Variants in ELAC2 observed in about 807,000 individuals in gnomAD.
ELAC2 encodes elaC ribonuclease Z 2, also known as zinc phosphodiesterase ELAC protein 2.
Under a neutral mutation model 105.2 loss-of-function variants are expected in ELAC2, and 92 were observed. That is an observed-to-expected ratio of 0.87 (90% confidence interval 0.74 to 1.04). The LOEUF (loss-of-function observed/expected upper bound fraction) is 1.04. Ranked by LOEUF, ELAC2 falls within the 50% of genes least tolerant of loss-of-function variation. The pLI, the probability that ELAC2 is intolerant of heterozygous loss-of-function variation, is 0.00. For synonymous variants in ELAC2, 468 were observed against 409.1 expected (o/e 1.14, Z -1.74); for missense variants, 1,099 against 1,071.7 (o/e 1.03, Z -0.36).
chr17:12,995,010 C>G lies in ELAC2; in HGVS notation c.1861G>C (p.Val621Leu), dbSNP rs764922245. The G allele has an allele frequency of 3.7e-6, 6 of 1,614,130 alleles. No homozygotes were observed. The highest frequency in any genetic ancestry group is 5.1e-6 in the Non-Finnish European group (6 of 1,180,056). Reference sequence around the variant, plus strand: ...AACAGCGAACTGATCAATCTTTCCACTGCAGGACTGGAGATCTCAGCCCCT... The same window carrying G: ...AACAGCGAACTGATCAATCTTTCCAGTGCAGGACTGGAGATCTCAGCCCCT... ...QEGAEISSPA[V>L]ERLISSLLRT... The change falls in exon 20 of 24, where the codon GTG (valine) becomes CTG (leucine). Residue 621 changes from valine (V) to leucine (L), a missense_variant. By Grantham distance (32) the Val-to-Leu change is conservative (BLOSUM62 1). Transcript: ENST00000338034.
chr17:12,997,857 G>A (rs1311086642), intron 16 of ELAC2, among the ~76,000 whole-genome samples: 1 of 152,122 alleles, frequency 6.6e-6, no homozygotes, highest in African/African-American at 2.4e-5. Context: ...GATGACCCCA[G>A]GCAAACCCAA....
At chr17:13,007,866 A>C (rs1222411135) in intron 8 of ELAC2, among the ~76,000 whole-genome samples, 1 of 151,984 alleles carries the variant, frequency 6.6e-6, no homozygotes, top group Non-Finnish European at 1.5e-5. Context: ...CAACACAGAA[A>C]GACTCCGTCT....
At chr17:12,993,872 T>C (rs1393355662) in intron 22 of ELAC2, 41 bp from the exon 23 acceptor site, 1 of 1,613,676 alleles carries the variant, frequency 6.2e-7, no homozygotes, top group Non-Finnish European at 8.5e-7. Context: ...TGAACTCAAC[T>C]GCAAGACTGC....
chr17:13,013,997 A>G (rs905383223), intron 5 of ELAC2, among the ~76,000 whole-genome samples: 1 of 152,210 alleles, frequency 6.6e-6, no homozygotes, highest in Admixed American at 6.5e-5. Flanking sequence ...AGGTGGGAAC[A>G]CAGAAAATGT....
chr17:13,000,800 T>C (rs749755892), intron 14 of ELAC2: 1 of 181,464 alleles, frequency 5.5e-6, no homozygotes, highest in Non-Finnish European at 1.2e-5. Context: ...TCACACGGAG[T>C]GGCAACTCCT....
intron 7 of ELAC2, among the ~76,000 whole-genome samples, chr17:13,011,352 C>T (rs2143659371): frequency 6.6e-6 from 1 of 152,290 alleles, no homozygotes; most frequent in South Asian, 2.1e-4. Flanking sequence ...ATAAATGTTA[C>T]ATTAATGAAA....
At chr17:13,008,338 C>T (rs990788782) in intron 8 of ELAC2, among the ~76,000 whole-genome samples, 2 of 151,482 alleles carry the variant, frequency 1.3e-5, no homozygotes, top group Admixed American at 6.6e-5. Context: ...GGTGAAACCC[C>T]GTCTCTACTA....
chr17:13,015,879 G>A (rs372190918), intron 3 of ELAC2, 47 bp from the exon 4 acceptor site: 194 of 1,460,590 alleles, frequency 1.3e-4, no homozygotes, highest in African/African-American at 5.7e-4. Flanking sequence ...TTGACCTGTC[G>A]TCACTAACAG....
At chr17:12,995,420 G>A (rs2040419173) in intron 19 of ELAC2, among the ~76,000 whole-genome samples, 3 of 152,230 alleles carry the variant, frequency 2.0e-5, no homozygotes, top group African/African-American at 7.2e-5. Context: ...CTTGGCTCTG[G>A]AACTGTCTCA....
chr17:12,992,147 A>ATTGAT lies in ELAC2; in HGVS notation c.*666_*670dup, dbSNP rs775941336. 2.7e-5 allele frequency among the ~76,000 whole-genome samples: 4 copies of ATTGAT among 150,784 alleles called. No homozygotes were observed. The East Asian group carries it at 7.8e-4, about 29-fold the overall frequency. The stretch of plus-strand genomic sequence containing the variant: ...ATTGATTTGATTGATTGATTGATTG[A>ATTGAT]TTGATAGAGAAAGCACGCCCTGCTG... On this transcript the variant is annotated 3_prime_UTR_variant, in exon 24 of 24. Coordinates refer to ENST00000338034, the MANE Select transcript of ELAC2 (RefSeq NM_018127.7).
At chr17:13,011,973 T>C (rs990505046) in intron 6 of ELAC2, among the ~76,000 whole-genome samples, 191 bp from the exon 7 acceptor site, 3 of 152,224 alleles carry the variant, frequency 2.0e-5, no homozygotes, top group Non-Finnish European at 4.4e-5. Context: ...TTAATGTTTA[T>C]GTTTCTGCTT....
At chr17:13,014,548 A>G in intron 4 of ELAC2, 52 bp from the exon 5 acceptor site, 1 of 1,302,388 alleles carries the variant, frequency 7.7e-7, no homozygotes, top group Non-Finnish European at 1.1e-6. Flanking sequence ...TGTAGAACAC[A>G]GCAACTATTC....
intron 19 of ELAC2, among the ~76,000 whole-genome samples, chr17:12,995,441 C>G (rs2040420172): frequency 6.6e-6 from 1 of 152,222 alleles, no homozygotes; most frequent in Admixed American, 6.5e-5. Flanking sequence ...TCAAGAAAAG[C>G]TGCTCGAAGT....
At position 12,993,008 on chromosome 17, in the gene ELAC2, A is replaced by C. The variant is rs779668862; in HGVS notation, c.2291T>G (p.Ile764Ser). 24 of 1,605,774 alleles carry C rather than the reference A, an allele frequency of 1.5e-5. No homozygotes were observed. The Admixed American group carries it at 3.7e-4, about 25-fold the overall frequency. The change falls in exon 24 of 24, where the codon ATT becomes AGT. Residue 764 changes from isoleucine to serine, a missense_variant. Ile to Ser is a moderately radical substitution (Grantham distance 142). Coordinates refer to ENST00000338034, the MANE Select transcript of ELAC2 (RefSeq NM_018127.7). ...FGDFPTMPKL[I>S]PPLKALFAGD... is the part of the protein sequence containing the mutation. ...AGCAAACAGGGCTTTCAGTGGGGGA[A>C]TCAGCTTGGGCATTGTTGGAAAGTC...
At chr17:12,999,085 G>A (rs868384373) in intron 15 of ELAC2, among the ~76,000 whole-genome samples, 3 of 152,160 alleles carry the variant, frequency 2.0e-5, no homozygotes, top group Non-Finnish European at 4.4e-5. Flanking sequence ...CCTGGCAACC[G>A]CTCTGAAACA....
Position 13,014,454 on chromosome 17 carries a change from T to C in ELAC2, c.475A>G (p.Lys159Glu). Residue 159 changes from lysine (K) to glutamate (E), a missense_variant, in exon 5 of 24, where the codon AAA becomes GAA. Coordinates refer to ENST00000338034, the MANE Select transcript of ELAC2 (RefSeq NM_018127.7). The stretch of plus-strand genomic sequence containing the variant: ...AAAGACGTACCCAGTTCTATTCCTT[T>C]CAATGGACCAGAAAATATTTTGATT... ...EAIKIFSGPL[K>E]GIELAVRPHS... 6.2e-7 allele frequency: 1 copy of C among 1,613,742 alleles called. No individual in the cohort carries two copies. Among genetic ancestry groups the C allele is most frequent in the Non-Finnish European group, 8.5e-7 (1 of 1,179,666 alleles).
intron 11 of ELAC2, 148 bp from the exon 12 acceptor site, chr17:13,003,722 A>G: frequency 1.4e-6 from 1 of 710,440 alleles, no homozygotes; most frequent in Non-Finnish European, 2.5e-6. Flanking sequence ...CTCTCACAGC[A>G]GGCTGCTCAC....
At position 13,003,554 on chromosome 17, in the gene ELAC2, G is replaced by A. The variant is rs187079048; in HGVS notation, c.1004C>T (p.Ala335Val). 13 of 1,614,202 alleles carry A rather than the reference G, an allele frequency of 8.1e-6. No individual in the cohort carries two copies. The highest frequency in any genetic ancestry group is 9.3e-6 in the Non-Finnish European group (11 of 1,180,034). ...CATGTGAACCACCAAGGCCACGGGG[G>A]CATCTGCCTTTCCTTGGTACCTGGG... The part of the protein sequence containing the change: ...TFQRYQGKAD[A>V]PVALVVHMAP... The change falls in exon 12 of 24, where the codon GCC becomes GTC. Residue 335 changes from alanine to valine, a missense_variant. Transcript: ENST00000338034.
chr17:13,015,720 T>C, intron 4 of ELAC2, 48 bp downstream of exon 4: 1 of 1,522,736 alleles, frequency 6.6e-7, no homozygotes, highest in South Asian at 1.1e-5. Context: ...GTTACTGATA[T>C]TACAAAAGGA....
Sources: allele counts gnomAD v4.1 joint callset (sites outside exome capture counted in the v4.1 genomes callset), GRCh38; gene constraint gnomAD v4.1.1; transcripts MANE v1.5; gene names NCBI Gene and HGNC (gene_info 2026-07-23, HGNC 2026-07-21).